AUTS2: variants seen among roughly 807,000 people sequenced by gnomAD.
AUTS2 encodes the protein activator of transcription and developmental regulator AUTS2, also known as autism susceptibility gene 2 protein.
Under a neutral mutation model 112.4 loss-of-function variants are expected in AUTS2, and 17 were observed. That is an observed-to-expected ratio of 0.15 (90% CI 0.10 to 0.23). The LOEUF (loss-of-function observed/expected upper bound fraction) is 0.23. Ranked by LOEUF, AUTS2 falls within the 10% of genes least tolerant of loss-of-function variation. The pLI is 1.00. For missense variants in AUTS2, 1,510 were observed against 1,701.6 expected, an observed-to-expected ratio of 0.89 and a Z score of 1.98; for synonymous variants, 751 against 702.7, an observed-to-expected ratio of 1.07 and a Z score of -1.09.
chr7:70,229,938 T>C (rs1811957785), intron 4 of AUTS2, among the ~76,000 whole-genome samples: 1 of 152,198 alleles, frequency 6.6e-6, no homozygotes, highest in African/African-American at 2.4e-5. Context: ...CTTTTATTGC[T>C]ATTCTCTATT....
At chr7:70,752,742 CTT>C (rs1788947855) in intron 6 of AUTS2, among the ~76,000 whole-genome samples, 1 of 152,156 alleles carries the variant, frequency 6.6e-6, no homozygotes, top group Non-Finnish European at 1.5e-5. Context: ...TTTCTAAAGA[CTT>C]TTTAAGGATG....
intron 5 of AUTS2, among the ~76,000 whole-genome samples, chr7:70,464,796 CT>C (rs1797108034): frequency 6.6e-6 from 1 of 152,200 alleles, no homozygotes; most frequent in African/African-American, 2.4e-5. Flanking sequence ...GGTTAATACA[CT>C]TTCAGGGTCT....
At chr7:70,262,535 G>A (rs973411343) in intron 4 of AUTS2, among the ~76,000 whole-genome samples, 12 of 152,278 alleles carry the variant, frequency 7.9e-5, no homozygotes, top group Middle Eastern at 3.4e-3. Context: ...TCAAAGTAAA[G>A]AAGAGGAACT....
At chr7:69,694,935 C>A (rs1797492213) in intron 1 of AUTS2, among the ~76,000 whole-genome samples, 1 of 152,020 alleles carries the variant, frequency 6.6e-6, no homozygotes, top group Admixed American at 6.6e-5. Context: ...GCAGGAAAAC[C>A]CCACTGGAAC....
chr7:70,103,946 T>C (rs145408794), intron 2 of AUTS2, among the ~76,000 whole-genome samples: 169 of 151,674 alleles, frequency 1.1e-3, no homozygotes, highest in African/African-American at 3.8e-3. Context: ...AATAAAATAG[T>C]GTAAGAGTAG....
intron 2 of AUTS2, among the ~76,000 whole-genome samples, chr7:70,048,266 C>T (rs958496669): frequency 6.6e-6 from 1 of 152,176 alleles, no homozygotes; most frequent in Non-Finnish European, 1.5e-5. Flanking sequence ...CCGGGCTCTT[C>T]TGTATCTCCA....
intron 1 of AUTS2, among the ~76,000 whole-genome samples, chr7:69,808,195 G>T (rs1447580934): frequency 6.6e-6 from 1 of 152,152 alleles, no homozygotes; most frequent in Non-Finnish European, 1.5e-5. Flanking sequence ...CCCAAAGTGG[G>T]GATTACAGGT....
At chr7:70,007,754 A>T (rs913299094) in intron 2 of AUTS2, among the ~76,000 whole-genome samples, 1 of 152,230 alleles carries the variant, frequency 6.6e-6, no homozygotes, top group African/African-American at 2.4e-5. Context: ...TTCAAAGCTC[A>T]TGCTGTTTGT....
chr7:70,412,690 C>T (rs1328622808), intron 4 of AUTS2, among the ~76,000 whole-genome samples: 1 of 152,140 alleles, frequency 6.6e-6, no homozygotes, highest in African/African-American at 2.4e-5. Context: ...TTTATGTATA[C>T]TTATTAAAAT....
At chr7:69,709,983 A>C (rs1798242861) in intron 1 of AUTS2, among the ~76,000 whole-genome samples, 1 of 152,194 alleles carries the variant, frequency 6.6e-6, no homozygotes, top group African/African-American at 2.4e-5. Context: ...AAATCAGTCC[A>C]AGTATGAAAT....
chr7:69,898,857 T>C (rs1041414584), intron 1 of AUTS2, among the ~76,000 whole-genome samples: 1 of 152,170 alleles, frequency 6.6e-6, no homozygotes, highest in African/African-American at 2.4e-5. Flanking sequence ...ATAAATTCAG[T>C]TGGGTGCTAT....
intron 4 of AUTS2, among the ~76,000 whole-genome samples, chr7:70,339,822 A>T (rs1791175488): frequency 6.6e-6 from 1 of 152,166 alleles, no homozygotes; most frequent in Non-Finnish European, 1.5e-5. Context: ...AGACTGTCAC[A>T]GGAATAACCA....
intron 1 of AUTS2, among the ~76,000 whole-genome samples, chr7:69,651,406 G>A (rs1439575072): frequency 2.6e-5 from 4 of 152,206 alleles, no homozygotes; most frequent in Admixed American, 1.3e-4. Flanking sequence ...ATTTTACTCC[G>A]TGGCTAATAT....
At chr7:70,652,491 G>C (rs1442973386) in intron 5 of AUTS2, among the ~76,000 whole-genome samples, 1 of 152,172 alleles carries the variant, frequency 6.6e-6, no homozygotes, top group African/African-American at 2.4e-5. Flanking sequence ...TTCTGCTAAA[G>C]ATCAAGTACC....
chr7:70,481,838 T>G (rs1016737555), intron 5 of AUTS2, among the ~76,000 whole-genome samples: 3 of 152,162 alleles, frequency 2.0e-5, no homozygotes, highest in African/African-American at 7.2e-5. Context: ...GAAAAATCAT[T>G]AAAGCTTGTC....
intron 2 of AUTS2, among the ~76,000 whole-genome samples, chr7:70,093,784 T>C (rs780074315): frequency 1.3e-5 from 2 of 152,216 alleles, no homozygotes; most frequent in Non-Finnish European, 2.9e-5. Flanking sequence ...TTATAGAGTA[T>C]GTCACTGTGT....
At chr7:69,726,707 T>G (rs922963634) in intron 1 of AUTS2, among the ~76,000 whole-genome samples, 2 of 152,202 alleles carry the variant, frequency 1.3e-5, no homozygotes, top group African/African-American at 4.8e-5. Context: ...TGTCAAACAT[T>G]TGGTATGATA....
At chr7:70,131,910 T>G (rs1336928871) in intron 3 of AUTS2, among the ~76,000 whole-genome samples, 1 of 151,794 alleles carries the variant, frequency 6.6e-6, no homozygotes, top group African/African-American at 2.4e-5. Context: ...AAGGCCGTAG[T>G]CAGAATCTTG....
intron 4 of AUTS2, among the ~76,000 whole-genome samples, chr7:70,374,404 A>G (rs886872483): frequency 6.6e-5 from 10 of 152,214 alleles, no homozygotes; most frequent in Admixed American, 4.6e-4. Context: ...CTATATAACT[A>G]CTTAAGACTT....
Sources: gnomAD v4.1 joint callset for allele counts (sites outside exome capture counted in the v4.1 genomes callset) on GRCh38, gnomAD v4.1.1 for gene constraint, MANE v1.5 for transcripts, NCBI Gene and HGNC (gene_info 2026-07-23, HGNC 2026-07-21) for gene names.